ZMAT4: variants seen among roughly 807,000 people sequenced by gnomAD.
The protein encoded by ZMAT4 is zinc finger matrin-type protein 4.
Under a neutral mutation model 28.7 loss-of-function variants are expected in ZMAT4, and 17 were observed. The observed-to-expected ratio is 0.59, with a 90% CI of 0.41 to 0.89. The LOEUF (loss-of-function observed/expected upper bound fraction) is 0.89, where lower values mean the gene tolerates loss of function less well. Among genes scored for constraint, ZMAT4 ranks in the 40% least tolerant of loss-of-function variants. ZMAT4 has a pLI of 0.00. For synonymous variants in ZMAT4, 117 were observed against 109.2 expected (o/e 1.07, Z -0.44); for missense variants, 240 against 283.8 (o/e 0.85, Z 1.11).
At chr8:40,676,413 T>G (rs991497610) in intron 4 of ZMAT4, among the ~76,000 whole-genome samples, 3 of 152,152 alleles carry the variant, frequency 2.0e-5, no homozygotes, top group Non-Finnish European at 2.9e-5. Context: ...TAAAGCAGTA[T>G]AGCAGCATCC....
intron 5 of ZMAT4, among the ~76,000 whole-genome samples, chr8:40,628,764 A>G (rs1806465160): frequency 6.6e-6 from 1 of 152,144 alleles, no homozygotes; most frequent in South Asian, 2.1e-4. Flanking sequence ...AAGTAGAAGG[A>G]TTTTTACTTC....
chr8:40,535,366 A>G (rs1383091905), intron 6 of ZMAT4, among the ~76,000 whole-genome samples: 4 of 151,990 alleles, frequency 2.6e-5, no homozygotes, highest in Admixed American at 6.6e-5. Context: ...ACTAGTAACA[A>G]CCATTGAAAA....
intron 5 of ZMAT4, among the ~76,000 whole-genome samples, chr8:40,599,464 T>A (rs1805221370): frequency 4.6e-5 from 7 of 152,226 alleles, no homozygotes; most frequent in Admixed American, 4.6e-4. Context: ...GTTGAAGAGC[T>A]ATATTTCCCA....
chr8:40,893,521 A>G (rs946900440), intron 1 of ZMAT4, among the ~76,000 whole-genome samples: 6 of 152,222 alleles, frequency 3.9e-5, no homozygotes, highest in African/African-American at 1.4e-4. Flanking sequence ...GCATGTTTTC[A>G]GCATGGGTCA....
intron 6 of ZMAT4, among the ~76,000 whole-genome samples, chr8:40,580,290 G>A (rs1308685901): frequency 6.6e-6 from 1 of 152,040 alleles, no homozygotes; most frequent in Non-Finnish European, 1.5e-5. Flanking sequence ...GGGACTACAG[G>A]CATGAGCCAC....
intron 5 of ZMAT4, among the ~76,000 whole-genome samples, chr8:40,584,136 T>C (rs563570875): frequency 5.9e-4 from 90 of 152,318 alleles, no homozygotes; most frequent in African/African-American, 2.0e-3. Context: ...TGAGTTTATT[T>C]TCCTTTCACA....
At chr8:40,588,807 T>C (rs1343180955) in intron 5 of ZMAT4, among the ~76,000 whole-genome samples, 1 of 152,062 alleles carries the variant, frequency 6.6e-6, no homozygotes, top group Non-Finnish European at 1.5e-5. Flanking sequence ...AAGGAGCAAA[T>C]ACTTAGTGTT....
intron 3 of ZMAT4, among the ~76,000 whole-genome samples, chr8:40,710,024 T>G (rs1810534794): frequency 7.0e-6 from 1 of 143,842 alleles, no homozygotes; most frequent in South Asian, 2.2e-4. Flanking sequence ...GGCAACAGTC[T>G]GAGACCCAGT....
intron 3 of ZMAT4, among the ~76,000 whole-genome samples, chr8:40,706,838 A>G (rs2150503699): frequency 6.6e-6 from 1 of 152,278 alleles, no homozygotes; most frequent in Non-Finnish European, 1.5e-5. Flanking sequence ...TGGATGCTGC[A>G]GGTAAGTGAA....
At chr8:40,730,118 A>G (rs551903353) in intron 3 of ZMAT4, among the ~76,000 whole-genome samples, 1 of 152,330 alleles carries the variant, frequency 6.6e-6, no homozygotes, top group East Asian at 1.9e-4. Context: ...ATGTAAATGA[A>G]ACATTTATCA....
chr8:40,607,699 G>A (rs1187202231), intron 5 of ZMAT4, among the ~76,000 whole-genome samples: 3 of 152,124 alleles, frequency 2.0e-5, no homozygotes, highest in Non-Finnish European at 4.4e-5. Flanking sequence ...GTGCTATTCA[G>A]ATTCCTTTTG....
chr8:40,825,609 A>T lies in ZMAT4; in HGVS notation c.68T>A (p.Leu23Gln), dbSNP rs1816006062. 6.4e-7 allele frequency: 1 copy of T among 1,554,326 alleles called. No homozygotes were observed. The highest frequency in any genetic ancestry group is 8.7e-7 in the Non-Finnish European group (1 of 1,148,000). The change falls in exon 2 of 7, where the codon CTG (leucine) becomes CAG (glutamine). Residue 23 changes from leucine to glutamine, a missense_variant. Leu to Gln is a moderately radical substitution (Grantham distance 113, BLOSUM62 -2). Transcript: ENST00000297737. ...GGCCACACGCTGCGATTCGGAGATC[A>T]GCTGTGCACTGCACACCTTGCAGTA... is the stretch of plus-strand genomic sequence containing the variant. ...DSYCKVCSAQ[L>Q]ISESQRVAHY...
At chr8:40,773,226 TA>T (rs1813455557) in intron 2 of ZMAT4, among the ~76,000 whole-genome samples, 2 of 152,134 alleles carry the variant, frequency 1.3e-5, no homozygotes, top group African/African-American at 4.8e-5. Flanking sequence ...ACTAAAACTC[TA>T]GGAAGAGAAA....
chr8:40,645,930 C>G (rs1029914700), intron 5 of ZMAT4, among the ~76,000 whole-genome samples: 1 of 152,008 alleles, frequency 6.6e-6, no homozygotes, highest in African/African-American at 2.4e-5. Context: ...AGATAATACA[C>G]TTATTTACCA....
rs201224240 is a variant in ZMAT4 at position 40,820,153 on chromosome 8, C to T, written c.102+5422G>A. Among the ~76,000 whole-genome samples the T allele has an allele frequency of 8.6e-5, 12 of 139,626 alleles. No individual in the cohort carries two copies. In the East Asian group the frequency reaches 1.4e-3, roughly 16 times the overall value. 91.6% of individuals were successfully genotyped at this position (139,626 alleles called of 152,430 possible). A position where few individuals can be genotyped will look rare whatever the true frequency, so the allele number is the denominator to read the frequency against. ...TGGACTTTCCATGTGTGTGTATATG[C>T]GAATATGTGTGTGTGTGTGTGTGTG... On this transcript the variant is annotated intron_variant, in intron 2 of 6. Transcript: ENST00000297737.
chr8:40,653,142 C>T (rs1052790993), intron 5 of ZMAT4, among the ~76,000 whole-genome samples: 3 of 151,844 alleles, frequency 2.0e-5, no homozygotes, highest in Admixed American at 1.3e-4. Context: ...GAACCACACA[C>T]TCTTAAATAA....
At chr8:40,611,620 G>A (rs1288948018) in intron 5 of ZMAT4, among the ~76,000 whole-genome samples, 1 of 152,138 alleles carries the variant, frequency 6.6e-6, no homozygotes, top group South Asian at 2.1e-4. Flanking sequence ...GATTACAGGC[G>A]TGAGCCATCG....
At chr8:40,787,159 A>T (rs933320535) in intron 2 of ZMAT4, among the ~76,000 whole-genome samples, 1 of 152,224 alleles carries the variant, frequency 6.6e-6, no homozygotes, top group African/African-American at 2.4e-5. Flanking sequence ...TTACAGCACT[A>T]AATGCTTATA....
chr8:40,573,985 T>C lies in ZMAT4; in HGVS notation c.674+7180A>G, dbSNP rs1239037651. On this transcript the variant is annotated intron_variant, in intron 6 of 6. Transcript: ENST00000297737. ...CCAACACTTCTTTAGATATTATTAGTAAAAATATAAATCTGATACCTCTAT... is the reference window on the plus strand; with the variant it reads ...CCAACACTTCTTTAGATATTATTAGCAAAAATATAAATCTGATACCTCTAT... Among the ~76,000 whole-genome samples, 10 of 152,280 alleles carry C rather than the reference T, an allele frequency of 6.6e-5. 2 individuals are homozygous for C. In the South Asian group the frequency reaches 1.9e-3, roughly 28 times the overall value.
Sources: gnomAD v4.1 joint callset for allele counts (sites outside exome capture counted in the v4.1 genomes callset) on GRCh38, gnomAD v4.1.1 for gene constraint, MANE v1.5 for transcripts, NCBI Gene and HGNC (gene_info 2026-07-23, HGNC 2026-07-21) for gene names.